DNASE1L3: variants seen among roughly 807,000 people sequenced by gnomAD.
DNASE1L3 encodes deoxyribonuclease 1L3, also known as deoxyribonuclease gamma.
DNASE1L3 carries 27 observed loss-of-function variants against 30.9 expected under a neutral mutation model. That is an observed-to-expected ratio of 0.87 (90% confidence interval 0.64 to 1.20). The LOEUF (loss-of-function observed/expected upper bound fraction) is 1.20, where lower values mean the gene tolerates loss of function less well. DNASE1L3 is among the 50% of genes most tolerant of loss of function. The probability of loss-of-function intolerance (pLI) is 0.00; values close to 1 mark genes in which losing one functional copy is unlikely to be tolerated. For missense variants in DNASE1L3, 364 were observed against 378.2 expected, an observed-to-expected ratio of 0.96 and a Z score of 0.31; for synonymous variants, 135 against 138.0, an observed-to-expected ratio of 0.98 and a Z score of 0.15.
At position 58,208,240 on chromosome 3, in the gene DNASE1L3, T is replaced by C. The variant is rs764225854; in HGVS notation, c.208A>G (p.Ile70Val). 6.2e-7 allele frequency: 1 copy of C among 1,614,184 alleles called. No homozygotes were observed. Among genetic ancestry groups the C allele is most frequent in the South Asian group, 1.1e-5 (1 of 91,084 alleles). Residue 70 changes from isoleucine to valine, a missense_variant, in exon 2 of 8, where the codon ATA (isoleucine) becomes GTA (valine). Ile to Val is a conservative substitution (Grantham distance 29, BLOSUM62 3). Coordinates refer to ENST00000394549, the MANE Select transcript of DNASE1L3 (RefSeq NM_004944.4). The part of the protein sequence containing the change: ...IKDSNNRICP[I>V]LMEKLNRNSR... Reference sequence around the variant, plus strand: ...TACCTGTTCAGCTTCTCCATCAGTATGGGGCAGATCCTGTTGTTGCTGTCC... The same window carrying C: ...TACCTGTTCAGCTTCTCCATCAGTACGGGGCAGATCCTGTTGTTGCTGTCC...
At chr3:58,193,499 C>A in intron 6 of DNASE1L3, 60 bp from the exon 7 acceptor site, 1 of 1,450,808 alleles carries the variant, frequency 6.9e-7, no homozygotes, top group Non-Finnish European at 9.6e-7. Context: ...TGAGATCAAA[C>A]CAAGGTCTGT....
chr3:58,205,763 T>C (rs2097403497), intron 2 of DNASE1L3, among the ~76,000 whole-genome samples: 1 of 152,264 alleles, frequency 6.6e-6, no homozygotes, highest in Non-Finnish European at 1.5e-5. Context: ...CAGCCATTAT[T>C]TCTTGCCTTA....
intron 1 of DNASE1L3, 115 bp downstream of exon 1, chr3:58,210,651 G>T: frequency 1.3e-6 from 2 of 1,499,680 alleles, no homozygotes; most frequent in Non-Finnish European, 9.1e-7. Flanking sequence ...TTCCAAGCCA[G>T]CTTCTACATT....
intron 1 of DNASE1L3, 145 bp from the exon 2 acceptor site, chr3:58,208,451 G>T: frequency 2.5e-6 from 2 of 784,650 alleles, no homozygotes; most frequent in Non-Finnish European, 4.1e-6. Context: ...GACTCCCTGA[G>T]GTAGGTAGGT....
chr3:58,192,982 C>T lies in DNASE1L3; in HGVS notation c.802-179G>A, dbSNP rs547867138. 212 of 1,437,090 alleles carry T rather than the reference C, an allele frequency of 1.5e-4. 1 individual carries two copies. In the African/African-American group the frequency reaches 2.7e-3, roughly 18 times the overall value. 89.0% of individuals were successfully genotyped at this position (1,437,090 alleles called of 1,614,324 possible). On this transcript the variant is annotated intron_variant, in intron 7 of 7. Transcript: ENST00000394549. This position sits in a 1 kb window ranked among gnomAD's most constrained non-coding sequence, Gnocchi z 4.8. ...AGCTCGATCAGAAATTTTGGAGGGG[C>T]CTCAAATCACAGAATCATAGGCATT...
At chr3:58,202,633 C>T (rs999774942) in intron 4 of DNASE1L3, among the ~76,000 whole-genome samples, 1 of 151,852 alleles carries the variant, frequency 6.6e-6, no homozygotes, top group Non-Finnish European at 1.5e-5. Flanking sequence ...GCTGATGGAT[C>T]ACCTGAGGTC....
chr3:58,200,885 G>A lies in DNASE1L3; in HGVS notation c.546+112C>T. 1.3e-6 allele frequency: 1 copy of A among 743,846 alleles called. No individual in the cohort carries two copies. Among genetic ancestry groups the A allele is most frequent in the South Asian group, 2.2e-5 (1 of 45,116 alleles). The allele number at this position is 743,846 out of a possible 1,614,324, so 46.1% of individuals were successfully genotyped here. On this transcript the variant is annotated intron_variant, in intron 5 of 7. Transcript: ENST00000394549. This position sits in a 1 kb window ranked among gnomAD's most constrained non-coding sequence, Gnocchi z 4.2. ...GCCTTAAAGAATGCTGTAAGTGGTG[G>A]TAGCCTGCACATGCCCTTCCTCCTC...
chr3:58,195,990 T>C (rs1256273486), intron 6 of DNASE1L3, among the ~76,000 whole-genome samples: 1 of 152,196 alleles, frequency 6.6e-6, no homozygotes, highest in Non-Finnish European at 1.5e-5. Context: ...TGTGGCCATG[T>C]TGCCTTCTGA....
rs941440625 is a variant in DNASE1L3, at chr3:58,192,443, A to G, written c.*244T>C. 5.1e-5 allele frequency: 17 copies of G among 336,484 alleles called. No individual in the cohort carries two copies. The highest frequency in any genetic ancestry group is 3.3e-4 in the East Asian group (5 of 15,094). The allele number at this position is 336,484 out of a possible 1,614,324, so 20.8% of individuals were successfully genotyped here. A position where few individuals can be genotyped will look rare whatever the true frequency, so the allele number is the denominator to read the frequency against. On this transcript the variant is annotated 3_prime_UTR_variant, in exon 8 of 8. Coordinates refer to ENST00000394549, the MANE Select transcript of DNASE1L3 (RefSeq NM_004944.4). The surrounding 1 kb of genome is among the most constrained non-coding windows in gnomAD (Gnocchi z 4.8). ...AGTGGATGGGGCTCTGGCTCAGGGC[A>G]TGAAGATCATCATTTTGGTCTACAA...
chr3:58,208,194 AG>A, intron 2 of DNASE1L3, 23 bp downstream of exon 2: 4 of 1,612,514 alleles, frequency 2.5e-6, no homozygotes, highest in Non-Finnish European at 3.4e-6. Context: ...TGAGCCCTAG[AG>A]GGCCCACCCT....
At chr3:58,208,024 T>C in intron 2 of DNASE1L3, 194 bp downstream of exon 2, 1 of 509,896 alleles carries the variant, frequency 2.0e-6, no homozygotes, top group Non-Finnish European at 3.5e-6. Flanking sequence ...TCCCCTATTC[T>C]ATTTTATCAC....
At chr3:58,193,059 G>A (rs936840954) in intron 7 of DNASE1L3, 5 of 1,428,350 alleles carry the variant, frequency 3.5e-6, no homozygotes, top group African/African-American at 2.9e-5. Flanking sequence ...GACCTCAAAG[G>A]GTGGCATCAA....
Position 58,197,732 on chromosome 3 carries a change from C to G in DNASE1L3, c.704+89G>C. On this transcript the variant is annotated intron_variant, in intron 6 of 7. Coordinates refer to ENST00000394549, the MANE Select transcript of DNASE1L3 (RefSeq NM_004944.4). This position sits in a 1 kb window ranked among gnomAD's most constrained non-coding sequence, Gnocchi z 5.3. ...CCTCCCAAAGTGCTAGGACTACTGG[C>G]GTGAGCCACAGTGCCCAGCCACCTT... is the stretch of plus-strand genomic sequence containing the variant. 4 of 1,581,916 alleles carry G rather than the reference C, an allele frequency of 2.5e-6. No homozygotes were observed. The highest frequency in any genetic ancestry group is 3.5e-6 in the Non-Finnish European group (4 of 1,157,188).
chr3:58,203,093 T>C (rs554089385), intron 4 of DNASE1L3, among the ~76,000 whole-genome samples: 2 of 152,216 alleles, frequency 1.3e-5, no homozygotes, highest in East Asian at 1.9e-4. Flanking sequence ...CTCCTGGGAC[T>C]TCCCCTCATT....
At chr3:58,210,705 T>A in intron 1 of DNASE1L3, 61 bp downstream of exon 1, 3 of 1,610,272 alleles carry the variant, frequency 1.9e-6, no homozygotes, top group Non-Finnish European at 2.5e-6. Flanking sequence ...TCTTAAAGTC[T>A]GCAGACAGGA....
rs2097395064 is a variant in DNASE1L3, at chr3:58,192,896, G to A, written c.802-93C>T. The A allele has an allele frequency of 6.4e-7, 1 of 1,551,450 alleles. No homozygotes were observed. The highest frequency in any genetic ancestry group is 8.7e-7 in the Non-Finnish European group (1 of 1,154,128). ...ATGAGCAAATTTAGGACCAGGGAGG[G>A]GAGAGGAAATGCCCGAAGTCACCCC... On this transcript the variant is annotated intron_variant, in intron 7 of 7. Transcript: ENST00000394549. The surrounding 1 kb of genome is among the most constrained non-coding windows in gnomAD (Gnocchi z 4.8).
chr3:58,206,621 T>C (rs963845385), intron 2 of DNASE1L3, among the ~76,000 whole-genome samples: 1 of 152,082 alleles, frequency 6.6e-6, no homozygotes, highest in African/African-American at 2.4e-5. Flanking sequence ...ACAGTCTAGA[T>C]AGGTTGGGGT....
At position 58,210,501 on chromosome 3, in the gene DNASE1L3, G is replaced by A. The variant is rs147622041; in HGVS notation, c.141+265C>T. Among the ~76,000 whole-genome samples the A allele has an allele frequency of 1.5e-4, 23 of 152,310 alleles. No homozygotes were observed. In the East Asian group the frequency reaches 3.5e-3, roughly 23 times the overall value. On this transcript the variant is annotated intron_variant, in intron 1 of 7. Transcript: ENST00000394549. ...ATAATGGCTAACCCTTATCTGGAAC[G>A]TATAATGAGCCAGATACTACATTAA...
At chr3:58,204,686 C>T in intron 4 of DNASE1L3, 83 bp downstream of exon 4, 2 of 1,168,314 alleles carry the variant, frequency 1.7e-6, no homozygotes, top group South Asian at 1.3e-5. Context: ...CTAATGCCTC[C>T]TTAATGGGCT....
Sources: gnomAD v4.1 joint callset for allele counts (sites outside exome capture counted in the v4.1 genomes callset) on GRCh38, gnomAD v4.1.1 for gene constraint, Gnocchi (gnomAD v3.1) non-coding constraint, MANE v1.5 for transcripts, NCBI Gene and HGNC (gene_info 2026-07-23, HGNC 2026-07-21) for gene names.